ENPP7: variants seen among roughly 807,000 people sequenced by gnomAD.
ENPP7 encodes ectonucleotide pyrophosphatase/phosphodiesterase family member 7.
A neutral mutation model predicts 33.6 loss-of-function variants in ENPP7; 39 were observed. The observed-to-expected ratio is 1.16, with a 90% CI of 0.90 to 1.52. ENPP7 has a LOEUF of 1.52. ENPP7 is among the 40% of genes most tolerant of loss of function. The pLI is 0.00. For synonymous variants in ENPP7, 244 were observed against 274.3 expected (o/e 0.89, Z 1.09); for missense variants, 594 against 641.0 (o/e 0.93, Z 0.79).
At chr17:79,740,511 C>T (rs180825153) in intron 5 of ENPP7, among the ~76,000 whole-genome samples, 2 of 152,290 alleles carry the variant, frequency 1.3e-5, no homozygotes, top group Non-Finnish European at 2.9e-5. Flanking sequence ...AGTCTTCCAG[C>T]ACTAGGCAGG....
At position 79,735,948 on chromosome 17, in the gene ENPP7, C is replaced by T. The variant is rs1005415129; in HGVS notation, c.1026+279C>T. Among the ~76,000 whole-genome samples the T allele has an allele frequency of 6.6e-6, 1 of 152,174 alleles. No individual in the cohort carries two copies. The highest frequency in any genetic ancestry group is 1.9e-4 in the East Asian group (1 of 5,194). On this transcript the variant is annotated intron_variant, in intron 3 of 5. Transcript: ENST00000328313. This position sits in a 1 kb window ranked among gnomAD's most constrained non-coding sequence, Gnocchi z 5.5. ...ATTTGAGACAGAGTTTCACTCTTGT[C>T]ATCCAGGCTGGAGGGTAATGGTGCC...
Position 79,738,229 on chromosome 17 carries a change from T to A in ENPP7, c.*16+167T>A, listed in dbSNP as rs1289928348. The A allele has an allele frequency of 1.5e-6, 1 of 646,158 alleles. No individual in the cohort carries two copies. Among genetic ancestry groups the A allele is most frequent in the Non-Finnish European group, 2.6e-6 (1 of 378,154 alleles). The allele number at this position is 646,158 out of a possible 1,614,324, so 40.0% of individuals were successfully genotyped here. A position where few individuals can be genotyped will look rare whatever the true frequency, so the allele number is the denominator to read the frequency against. On this transcript the variant is annotated intron_variant, in intron 5 of 5. Transcript: ENST00000328313. This position sits in a 1 kb window ranked among gnomAD's most constrained non-coding sequence, Gnocchi z 6.2. ...CCCAGAGAGGCCATCACCCCTGAGA[T>A]CCCGAGGCTGACCCTTCCAGCCTCT...
At position 79,735,229 on chromosome 17, in the gene ENPP7, G is replaced by A. The variant is rs1302684396; in HGVS notation, c.586G>A (p.Gly196Arg). ...EDLDLVTLYF[G>R]EPDSTGHRYG... is the part of the protein sequence containing the mutation. The stretch of plus-strand genomic sequence containing the variant: ...CCTGGATCTGGTCACACTCTACTTC[G>A]GGGAGCCGGACTCCACGGGCCACAG... Residue 196 changes from glycine to arginine, a missense_variant, in exon 3 of 6, where the codon GGG (glycine) becomes AGG (arginine). Gly to Arg is a moderately radical substitution (Grantham distance 125, BLOSUM62 -2). This residue lies in a region of ENPP7 where 504 missense variants were observed against 512.8 expected (regional missense o/e 0.98). Coordinates refer to ENST00000328313, the MANE Select transcript of ENPP7 (RefSeq NM_178543.5). The surrounding 1 kb of genome is among the most constrained non-coding windows in gnomAD (Gnocchi z 5.5). 9 of 1,613,292 alleles carry A rather than the reference G, an allele frequency of 5.6e-6. No individual in the cohort carries two copies. Among genetic ancestry groups the A allele is most frequent in the South Asian group, 1.1e-5 (1 of 91,084 alleles).
intron 1 of ENPP7, 79 bp from the exon 2 acceptor site, chr17:79,733,429 C>G: frequency 6.8e-7 from 1 of 1,469,116 alleles, no homozygotes. Flanking sequence ...GTTTTGACTT[C>G]GCCTCTTCCA....
Position 79,739,630 on chromosome 17 carries a change from G to T in ENPP7, c.*16+1568G>T, listed in dbSNP as rs370654809. On this transcript the variant is annotated intron_variant, in intron 5 of 5. Transcript: ENST00000328313. This position sits in a 1 kb window ranked among gnomAD's most constrained non-coding sequence, Gnocchi z 4.4. ...ACTGTTGGGGACAGGAGTCGGGGGG[G>T]CCGAGACTTGTTTCGGCCGTGATCA... 3 of 152,340 alleles carry T rather than the reference G, an allele frequency of 2.0e-5. No homozygotes were observed. The highest frequency in any genetic ancestry group is 6.5e-5 in the Admixed American group (1 of 15,288). 9.4% of individuals were successfully genotyped at this position (152,340 alleles called of 1,614,324 possible). A position where few individuals can be genotyped will look rare whatever the true frequency, so the allele number is the denominator to read the frequency against.
intron 1 of ENPP7, among the ~76,000 whole-genome samples, chr17:79,732,906 T>TGTGC (rs2094289019): frequency 6.6e-6 from 1 of 152,132 alleles, no homozygotes; most frequent in Non-Finnish European, 1.5e-5. Context: ...CAAACGGAGG[T>TGTGC]GTGCGGGTCT....
At chr17:79,734,928 G>A in intron 2 of ENPP7, 115 bp from the exon 3 acceptor site, 1 of 1,082,822 alleles carries the variant, frequency 9.2e-7, no homozygotes, top group South Asian at 1.6e-5. Flanking sequence ...GCTAGGAGCA[G>A]GGATGGGTGG....
chr17:79,737,217 C>G lies in ENPP7; in HGVS notation c.1203C>G (p.Ala401=). 1.2e-6 allele frequency: 2 copies of G among 1,611,264 alleles called. No homozygotes were observed. The highest frequency in any genetic ancestry group is 1.7e-6 in the Non-Finnish European group (2 of 1,179,906). ...GGCTGCTGGGCATCGTGCCCGAGGC[C>G]AACGATGGGCACCTAGCTACTCTGC... ...MCRLLGIVPE[A]NDGHLATLLP... Residue 401 remains alanine (A), a synonymous_variant, in exon 4 of 6, where the codon GCC becomes GCG. Transcript: ENST00000328313. The surrounding 1 kb of genome is among the most constrained non-coding windows in gnomAD (Gnocchi z 5.5).
At position 79,737,180 on chromosome 17, in the gene ENPP7, AG is replaced by A. The variant is rs782716316; in HGVS notation, c.1167del (p.Glu389AspfsTer18). 1.2e-6 allele frequency: 2 copies of A among 1,613,456 alleles called. No individual in the cohort carries two copies. Among genetic ancestry groups the A allele is most frequent in the African/African-American group, 2.7e-5 (2 of 74,922 alleles). On this transcript the variant is annotated frameshift_variant, in exon 4 of 6. Transcript: ENST00000328313. LOFTEE classifies it high-confidence loss of function. This position sits in a 1 kb window ranked among gnomAD's most constrained non-coding sequence, Gnocchi z 5.5. ...VEPFESVHVY[E>X]LMCRLLGIVP... The stretch of plus-strand genomic sequence containing the variant: ...CCCTTTGAGAGCGTCCACGTGTACG[AG>A]CTCATGTGCCGGCTGCTGGGCATCG...
chr17:79,737,328 C>A lies in ENPP7; in HGVS notation c.1246+68C>A. The stretch of plus-strand genomic sequence containing the variant: ...ACACGTGTGCACACGAGGGTGCCTG[C>A]ATGCCTGTGACCAGGACACCCTTGA... On this transcript the variant is annotated intron_variant, in intron 4 of 5. Transcript: ENST00000328313. This position sits in a 1 kb window ranked among gnomAD's most constrained non-coding sequence, Gnocchi z 5.5. The A allele has an allele frequency of 7.4e-7, 1 of 1,360,058 alleles. No homozygotes were observed. Among genetic ancestry groups the A allele is most frequent in the Non-Finnish European group, 1.0e-6 (1 of 989,844 alleles). 84.2% of individuals were successfully genotyped at this position (1,360,058 alleles called of 1,614,324 possible). A position where few individuals can be genotyped will look rare whatever the true frequency, so the allele number is the denominator to read the frequency against.
intron 5 of ENPP7, among the ~76,000 whole-genome samples, chr17:79,740,455 C>A (rs2094303269): frequency 6.6e-6 from 1 of 152,118 alleles, no homozygotes; most frequent in Non-Finnish European, 1.5e-5. Context: ...GTACTTTCAG[C>A]CACAACGCCT....
rs1158755392 is a variant in ENPP7 at position 79,731,035 on chromosome 17, A to G, written c.-105A>G. 2.3e-6 allele frequency: 3 copies of G among 1,314,400 alleles called. No individual in the cohort carries two copies. Among genetic ancestry groups the G allele is most frequent in the Non-Finnish European group, 3.1e-6 (3 of 981,582 alleles). 81.4% of individuals were successfully genotyped at this position (1,314,400 alleles called of 1,614,324 possible). A position where few individuals can be genotyped will look rare whatever the true frequency, so the allele number is the denominator to read the frequency against. On this transcript the variant is annotated 5_prime_UTR_variant, in exon 1 of 6. Transcript: ENST00000328313. The stretch of plus-strand genomic sequence containing the variant: ...CGGGGATGTGCACAGCCACATTCCA[A>G]AGGCGCACGGGATGAGATCAGCCCG...
chr17:79,731,795 T>A (rs2094285964), intron 1 of ENPP7, among the ~76,000 whole-genome samples: 1 of 152,038 alleles, frequency 6.6e-6, no homozygotes, highest in Admixed American at 6.5e-5. Context: ...CAGACATAGG[T>A]TTTTAAAAAG....
rs1442673680 is a variant in ENPP7, at chr17:79,735,578, A to T, written c.935A>T (p.Lys312Met). ...DAHPKLHVYK[K>M]EAFPEAFHYA... ...CACCCCAAGCTCCACGTCTACAAGAAGGAGGCGTTCCCCGAGGCCTTCCAC... is the reference window on the plus strand; with the variant it reads ...CACCCCAAGCTCCACGTCTACAAGATGGAGGCGTTCCCCGAGGCCTTCCAC... The change falls in exon 3 of 6, where the codon AAG (lysine) becomes ATG (methionine). Residue 312 changes from lysine (K) to methionine (M), a missense_variant. By Grantham distance (95) the Lys-to-Met change is moderately conservative. Coordinates refer to ENST00000328313, the MANE Select transcript of ENPP7 (RefSeq NM_178543.5). This position sits in a 1 kb window ranked among gnomAD's most constrained non-coding sequence, Gnocchi z 5.5. The T allele has an allele frequency of 6.2e-7, 1 of 1,613,922 alleles. No homozygotes were observed. Among genetic ancestry groups the T allele is most frequent in the African/African-American group, 1.3e-5 (1 of 75,056 alleles).
intron 1 of ENPP7, among the ~76,000 whole-genome samples, chr17:79,732,690 T>C (rs1555822784): frequency 2.0e-5 from 3 of 152,218 alleles, no homozygotes; most frequent in Admixed American, 6.5e-5. Context: ...AACTTTCCTC[T>C]TCTCACTAGT....
At position 79,734,906 on chromosome 17, in the gene ENPP7, C is replaced by T. The variant is rs1223968766; in HGVS notation, c.400-137C>T. Reference sequence around the variant, plus strand: ...CAGGGATGTTTTAGAAATTAAAGGCCCCGCAGCTGCAGCTAGGAGCAGGGA... The same window carrying T: ...CAGGGATGTTTTAGAAATTAAAGGCTCCGCAGCTGCAGCTAGGAGCAGGGA... On this transcript the variant is annotated intron_variant, in intron 2 of 5. Transcript: ENST00000328313. 5 of 859,554 alleles carry T rather than the reference C, an allele frequency of 5.8e-6. No homozygotes were observed. The African/African-American group carries it at 8.5e-5, about 15-fold the overall frequency. The allele number at this position is 859,554 out of a possible 1,614,324, so 53.2% of individuals were successfully genotyped here.
In ENPP7 at chr17:79,739,200, CG is replaced by C. The variant is rs2094301329; in HGVS notation, c.*16+1139del. The C allele has an allele frequency of 6.8e-6, 1 of 146,974 alleles. No homozygotes were observed. Among genetic ancestry groups the C allele is most frequent in the Non-Finnish European group, 1.6e-5 (1 of 64,266 alleles). 9.1% of individuals were successfully genotyped at this position (146,974 alleles called of 1,614,324 possible). The stretch of plus-strand genomic sequence containing the variant: ...CAGGCCCGCGGTGGGACAGGTTCGG[CG>C]TGTTTGGGATGAGACAGAAGGCCAG... On this transcript the variant is annotated intron_variant, in intron 5 of 5. Transcript: ENST00000328313. The surrounding 1 kb of genome is among the most constrained non-coding windows in gnomAD (Gnocchi z 4.4).
Position 79,739,051 on chromosome 17 carries a change from G to A in ENPP7, c.*16+989G>A, listed in dbSNP as rs1255278300. The A allele has an allele frequency of 6.6e-6, 1 of 152,286 alleles. No individual in the cohort carries two copies. Among genetic ancestry groups the A allele is most frequent in the Non-Finnish European group, 1.5e-5 (1 of 68,088 alleles). 9.4% of individuals were successfully genotyped at this position (152,286 alleles called of 1,614,324 possible). ...ACGGCCACAGGCAGGGACGAGGCAG[G>A]CGCGACCTTGTCATTTGCCCGGCCT... On this transcript the variant is annotated intron_variant, in intron 5 of 5. Coordinates refer to ENST00000328313, the MANE Select transcript of ENPP7 (RefSeq NM_178543.5). This position sits in a 1 kb window ranked among gnomAD's most constrained non-coding sequence, Gnocchi z 4.4.
chr17:79,732,121 C>CATATATACACATATATAT (rs2094286802), intron 1 of ENPP7, among the ~76,000 whole-genome samples: 6 of 48,780 alleles, frequency 1.2e-4, no homozygotes, highest in Non-Finnish European at 2.0e-4. Context: ...TATATATATA[C>CATATATACACATATATAT]ATATATATAT....
Sources: allele counts gnomAD v4.1 joint callset (sites outside exome capture counted in the v4.1 genomes callset), GRCh38; gene constraint gnomAD v4.1.1; regional missense constraint gnomAD v4.1.1; non-coding constraint Gnocchi (gnomAD v3.1); transcripts MANE v1.5; gene names NCBI Gene and HGNC (gene_info 2026-07-23, HGNC 2026-07-21).